Variants in PLPP7 observed in about 807,000 individuals in gnomAD.
The protein encoded by PLPP7 is phospholipid phosphatase 7 (inactive).
Under a neutral mutation model 16.9 loss-of-function variants are expected in PLPP7, and 11 were observed. The observed-to-expected ratio is 0.65, with a 90% CI of 0.41 to 1.08. The LOEUF is 1.08. PLPP7 is among the 50% of genes least tolerant of loss of function. The probability of loss-of-function intolerance (pLI) is 0.00; values close to 1 mark genes in which losing one functional copy is unlikely to be tolerated. For missense variants in PLPP7, 358 were observed against 397.1 expected (o/e 0.90, Z 0.84); for synonymous variants, 174 against 175.1 (o/e 0.99, Z 0.05).
At chr9:131,305,012 G>C (rs1835838615) in intron 1 of PLPP7, among the ~76,000 whole-genome samples, 1 of 152,202 alleles carries the variant, frequency 6.6e-6, no homozygotes, top group African/African-American at 2.4e-5. Context: ...GAGCTCCAGG[G>C]GTTCATCTTG....
chr9:131,301,190 A>G (rs1381248579), intron 1 of PLPP7, among the ~76,000 whole-genome samples: 1 of 152,058 alleles, frequency 6.6e-6, no homozygotes, highest in Non-Finnish European at 1.5e-5. Flanking sequence ...GCTGGTCTCG[A>G]ACTCCTGACC....
Position 131,290,042 on chromosome 9 carries a change from C to T in PLPP7, c.45C>T (p.Asn15=), listed in dbSNP as rs761235268. 8.3e-6 allele frequency: 12 copies of T among 1,452,474 alleles called. No homozygotes were observed. The East Asian group carries it at 1.3e-4, about 16-fold the overall frequency. 90.0% of individuals were successfully genotyped at this position (1,452,474 alleles called of 1,614,324 possible). A position where few individuals can be genotyped will look rare whatever the true frequency, so the allele number is the denominator to read the frequency against. ...GGGCCCGTGCCCGGGACCGCAACAA[C>T]GTCCTCAACCGGGCTGAGTTCCTGT... ...QSRARARDRN[N]VLNRAEFLSL... The change falls in exon 1 of 2, where the codon AAC becomes AAT. Residue 15 remains asparagine (N), a synonymous_variant. Transcript: ENST00000372264. This position sits in a 1 kb window ranked among gnomAD's most constrained non-coding sequence, Gnocchi z 4.2.
At chr9:131,298,119 A>G (rs989563665) in intron 1 of PLPP7, among the ~76,000 whole-genome samples, 1 of 152,110 alleles carries the variant, frequency 6.6e-6, no homozygotes, top group African/African-American at 2.4e-5. Flanking sequence ...TGCAGTGAAC[A>G]TCCCGGGCCA....
intron 1 of PLPP7, among the ~76,000 whole-genome samples, chr9:131,303,355 A>AAAT (rs1482655503): frequency 1.4e-5 from 2 of 144,156 alleles, no homozygotes; most frequent in Non-Finnish European, 3.0e-5. Context: ...AAAAAAAAAA[A>AAAT]GCTGTGCTCT....
At chr9:131,304,992 T>C (rs1373805512) in intron 1 of PLPP7, among the ~76,000 whole-genome samples, 2 of 152,118 alleles carry the variant, frequency 1.3e-5, no homozygotes, top group Non-Finnish European at 2.9e-5. Flanking sequence ...GCCTCAGGTA[T>C]GAGTGCTCTG....
At chr9:131,296,099 C>G (rs193234251) in intron 1 of PLPP7, among the ~76,000 whole-genome samples, 1 of 152,238 alleles carries the variant, frequency 6.6e-6, no homozygotes, top group South Asian at 2.1e-4. Context: ...ACAGCGGCTG[C>G]GTGATTTTAC....
At chr9:131,306,269 C>A (rs966187330) in intron 1 of PLPP7, among the ~76,000 whole-genome samples, 1 of 151,674 alleles carries the variant, frequency 6.6e-6, no homozygotes, top group African/African-American at 2.4e-5. Flanking sequence ...AGGCCGGGCG[C>A]GGTGGCTCAT....
At position 131,307,539 on chromosome 9, in the gene PLPP7, GA is replaced by G. The variant is rs573447149; in HGVS notation, c.452-381del. 3.7e-3 allele frequency among the ~76,000 whole-genome samples: 368 copies of G among 99,224 alleles called. 4 individuals are homozygous for G. The highest frequency in any genetic ancestry group is 0.017 in the South Asian group (49 of 2,966). 65.1% of individuals were successfully genotyped at this position (99,224 alleles called of 152,430 possible). A position where few individuals can be genotyped will look rare whatever the true frequency, so the allele number is the denominator to read the frequency against. On this transcript the variant is annotated intron_variant, in intron 1 of 1. Coordinates refer to ENST00000372264, the MANE Select transcript of PLPP7 (RefSeq NM_032728.4). The stretch of plus-strand genomic sequence containing the variant: ...TGCACTCCAGCCTGGTTGACAAAGT[GA>G]AACTCTGTCTCAAAAAAAAAAAAAA...
At position 131,308,638 on chromosome 9, in the gene PLPP7, A is replaced by G; in HGVS notation, c.*351A>G. On this transcript the variant is annotated 3_prime_UTR_variant, in exon 2 of 2. Coordinates refer to ENST00000372264, the MANE Select transcript of PLPP7 (RefSeq NM_032728.4). ...CTTGTCTTGTCCTTTCATCATCATG[A>G]CTGTTGAGTTCTTGGCTGTGCCCAT... is the stretch of plus-strand genomic sequence containing the variant. The G allele has an allele frequency of 3.4e-6, 1 of 295,676 alleles. No individual in the cohort carries two copies. Among genetic ancestry groups the G allele is most frequent in the African/African-American group, 2.2e-5 (1 of 46,100 alleles). The allele number at this position is 295,676 out of a possible 1,614,324, so 18.3% of individuals were successfully genotyped here.
chr9:131,291,725 G>T (rs1479979236), intron 1 of PLPP7, among the ~76,000 whole-genome samples: 1 of 151,998 alleles, frequency 6.6e-6, no homozygotes, highest in African/African-American at 2.4e-5. Flanking sequence ...GGGATTACAA[G>T]CGCACACCAC....
At position 131,290,977 on chromosome 9, in the gene PLPP7, C is replaced by A; in HGVS notation, c.451+529C>A. 1 of 1,043,030 alleles carries A rather than the reference C, an allele frequency of 9.6e-7. No homozygotes were observed. Among genetic ancestry groups the A allele is most frequent in the Non-Finnish European group, 1.4e-6 (1 of 735,124 alleles). The allele number at this position is 1,043,030 out of a possible 1,614,324, so 64.6% of individuals were successfully genotyped here. A position where few individuals can be genotyped will look rare whatever the true frequency, so the allele number is the denominator to read the frequency against. On this transcript the variant is annotated intron_variant, in intron 1 of 1. Coordinates refer to ENST00000372264, the MANE Select transcript of PLPP7 (RefSeq NM_032728.4). The surrounding 1 kb of genome is among the most constrained non-coding windows in gnomAD (Gnocchi z 4.2). The stretch of plus-strand genomic sequence containing the variant: ...GGGTCTGGGGACCCAGGGAGTTCCC[C>A]TGGGACTGCCACCCACTCACAGCCC...
chr9:131,295,487 A>T lies in PLPP7; in HGVS notation c.451+5039A>T, dbSNP rs115463474. Among the ~76,000 whole-genome samples the T allele has an allele frequency of 4.0e-3, 613 of 152,260 alleles. 9 individuals are homozygous for T. Among genetic ancestry groups the T allele is most frequent in the African/African-American group, 0.014 (598 of 41,554 alleles). Reference sequence around the variant, plus strand: ...CATTTTTATGTCATTTTTTATTGTGATAAGCTATACATCACACAAAATTGA... The same window carrying T: ...CATTTTTATGTCATTTTTTATTGTGTTAAGCTATACATCACACAAAATTGA... On this transcript the variant is annotated intron_variant, in intron 1 of 1. Coordinates refer to ENST00000372264, the MANE Select transcript of PLPP7 (RefSeq NM_032728.4). This position sits in a 1 kb window ranked among gnomAD's most constrained non-coding sequence, Gnocchi z 4.0.
intron 1 of PLPP7, among the ~76,000 whole-genome samples, chr9:131,304,628 C>T (rs1835833905): frequency 6.6e-6 from 1 of 152,094 alleles, no homozygotes; most frequent in Non-Finnish European, 1.5e-5. Context: ...GAGTGAGACT[C>T]TGTCTCAAAA....
chr9:131,293,596 T>A (rs1261462983), intron 1 of PLPP7, among the ~76,000 whole-genome samples: 1 of 152,186 alleles, frequency 6.6e-6, no homozygotes, highest in Non-Finnish European at 1.5e-5. Flanking sequence ...CGCTGCAGGT[T>A]CCATCTGTCC....
chr9:131,308,101 G>A lies in PLPP7; in HGVS notation c.630G>A (p.Leu210=). ...AGTTCTTCCTCAGCCACCTGGTGCT[G>A]GCGGTGCCCCTGCGTGTGCTGCTGG... ...VSKFFLSHLV[L]AVPLRVLLVL... Residue 210 remains leucine (L), a synonymous_variant, in exon 2 of 2, where the codon CTG becomes CTA. Transcript: ENST00000372264. 1.2e-6 allele frequency: 2 copies of A among 1,601,412 alleles called. No homozygotes were observed. The highest frequency in any genetic ancestry group is 1.7e-6 in the Non-Finnish European group (2 of 1,179,796).
chr9:131,300,839 G>A (rs1402015683), intron 1 of PLPP7, among the ~76,000 whole-genome samples: 2 of 152,074 alleles, frequency 1.3e-5, no homozygotes, highest in Non-Finnish European at 2.9e-5. Flanking sequence ...TCAGAGTTGA[G>A]GTGCTGGGCC....
At chr9:131,304,964 A>G (rs1260882701) in intron 1 of PLPP7, among the ~76,000 whole-genome samples, 8 of 152,020 alleles carry the variant, frequency 5.3e-5, no homozygotes, top group Admixed American at 5.2e-4. Context: ...AAAGAGTGGA[A>G]CATTCCAGAA....
In PLPP7 at chr9:131,290,079, C is replaced by G. The variant is rs1193064040; in HGVS notation, c.82C>G (p.Pro28Ala). Residue 28 changes from proline (P) to alanine (A), a missense_variant, in exon 1 of 2, where the codon CCC becomes GCC. Coordinates refer to ENST00000372264, the MANE Select transcript of PLPP7 (RefSeq NM_032728.4). The surrounding 1 kb of genome is among the most constrained non-coding windows in gnomAD (Gnocchi z 4.2). ...NRAEFLSLNQ[P>A]PKGGPEPRSS... ...GGCTGAGTTCCTGTCCCTGAACCAG[C>G]CCCCCAAGGGGGGCCCGGAGCCCCG... 1 of 1,499,272 alleles carries G rather than the reference C, an allele frequency of 6.7e-7. No individual in the cohort carries two copies. Among genetic ancestry groups the G allele is most frequent in the Non-Finnish European group, 8.9e-7 (1 of 1,126,672 alleles). 92.9% of individuals were successfully genotyped at this position (1,499,272 alleles called of 1,614,324 possible).
At chr9:131,296,761 C>T (rs534034221) in intron 1 of PLPP7, among the ~76,000 whole-genome samples, 2 of 152,244 alleles carry the variant, frequency 1.3e-5, no homozygotes, top group East Asian at 3.9e-4. Context: ...ACAGCTGTGG[C>T]CCTCCCACCT....
Sources: allele counts gnomAD v4.1 joint callset (sites outside exome capture counted in the v4.1 genomes callset), GRCh38; gene constraint gnomAD v4.1.1; non-coding constraint Gnocchi (gnomAD v3.1); transcripts MANE v1.5; gene names NCBI Gene and HGNC (gene_info 2026-07-23, HGNC 2026-07-21).